Variants in CTIF observed in about 807,000 individuals in gnomAD.
CTIF encodes cap binding complex dependent translation initiation factor.
CTIF carries 21 observed loss-of-function variants against 66.0 expected under a neutral mutation model. That is an observed-to-expected ratio of 0.32 (90% CI 0.23 to 0.46). The LOEUF (loss-of-function observed/expected upper bound fraction) is 0.46. Among genes scored for constraint, CTIF ranks in the 20% least tolerant of loss-of-function variants. CTIF has a pLI of 1.00. For synonymous variants in CTIF, 345 were observed against 326.4 expected (o/e 1.06, Z -0.62); for missense variants, 739 against 812.7 (o/e 0.91, Z 1.10).
intron 1 of CTIF, among the ~76,000 whole-genome samples, chr18:48,589,116 C>T (rs1160535905): frequency 6.6e-6 from 1 of 152,202 alleles, no homozygotes. Context: ...GGCAGGGACT[C>T]TCATGCCTGC....
chr18:48,617,291 T>C (rs545026873), intron 1 of CTIF, among the ~76,000 whole-genome samples: 64 of 152,344 alleles, frequency 4.2e-4, no homozygotes, highest in Non-Finnish European at 1.2e-4. Flanking sequence ...TGGCTTCTTC[T>C]GCTGTGCTGA....
intron 9 of CTIF, among the ~76,000 whole-genome samples, chr18:48,796,258 C>T (rs188124224): frequency 6.6e-6 from 1 of 152,072 alleles, no homozygotes; most frequent in East Asian, 1.9e-4. Context: ...ACCGCAAGCT[C>T]CACCTCCCGG....
chr18:48,594,597 G>A (rs1478846936), intron 1 of CTIF, among the ~76,000 whole-genome samples: 4 of 151,984 alleles, frequency 2.6e-5, no homozygotes, highest in Non-Finnish European at 4.4e-5. Flanking sequence ...CCTCCATCCC[G>A]GCCTCTGCCC....
At chr18:48,540,607 A>G (rs1464256845) in intron 1 of CTIF, among the ~76,000 whole-genome samples, 2 of 151,122 alleles carry the variant, frequency 1.3e-5, no homozygotes, top group Non-Finnish European at 3.0e-5. Context: ...GGGTGTGAGC[A>G]CCGCGGGGTG....
At chr18:48,698,631 A>G (rs543243577) in intron 6 of CTIF, among the ~76,000 whole-genome samples, 2 of 152,358 alleles carry the variant, frequency 1.3e-5, no homozygotes, top group African/African-American at 2.4e-5. Flanking sequence ...ACTAAACAGA[A>G]TAGGAATACC....
chr18:48,562,470 G>C (rs547768343), intron 1 of CTIF, among the ~76,000 whole-genome samples: 31 of 152,186 alleles, frequency 2.0e-4, no homozygotes, highest in Non-Finnish European at 3.8e-4. Context: ...CCACTAACTA[G>C]AACTGATGTG....
intron 7 of CTIF, among the ~76,000 whole-genome samples, chr18:48,745,214 G>A (rs537987386): frequency 1.8e-4 from 27 of 152,208 alleles, no homozygotes; most frequent in African/African-American, 5.5e-4. Flanking sequence ...CCTCAGCGTC[G>A]GTTTCTCTGG....
chr18:48,795,440 C>T (rs1430101167), intron 9 of CTIF, among the ~76,000 whole-genome samples: 2 of 152,238 alleles, frequency 1.3e-5, no homozygotes, highest in African/African-American at 2.4e-5. Context: ...TTCACCTTCT[C>T]ATCTAACCAG....
intron 1 of CTIF, among the ~76,000 whole-genome samples, chr18:48,598,522 A>G (rs2090028761): frequency 6.6e-6 from 1 of 152,236 alleles, no homozygotes; most frequent in Non-Finnish European, 1.5e-5. Context: ...GAGGGGAGCC[A>G]GCAATAAGCT....
chr18:48,682,383 C>T (rs1395729264), intron 6 of CTIF, among the ~76,000 whole-genome samples: 1 of 152,208 alleles, frequency 6.6e-6, no homozygotes, highest in Admixed American at 6.5e-5. Context: ...GTAATATCAC[C>T]TGGGGACTTG....
intron 6 of CTIF, among the ~76,000 whole-genome samples, chr18:48,684,727 A>G (rs903262922): frequency 1.8e-4 from 28 of 152,346 alleles, no homozygotes; most frequent in African/African-American, 6.7e-4. Flanking sequence ...GCCTTCACCC[A>G]GATTCCCCAA....
At chr18:48,589,226 G>C (rs2089838025) in intron 1 of CTIF, among the ~76,000 whole-genome samples, 1 of 152,234 alleles carries the variant, frequency 6.6e-6, no homozygotes, top group Admixed American at 6.5e-5. Context: ...TGGAAGTCCA[G>C]AATGAAGGTA....
intron 1 of CTIF, chr18:48,567,714 C>G (rs534675332): frequency 6.6e-6 from 1 of 152,238 alleles, no homozygotes; most frequent in Admixed American, 6.5e-5. Context: ...GGGAGCATGG[C>G]TTGTGCTCAT....
chr18:48,687,351 C>CACACACACACA (rs2091858043), intron 6 of CTIF, among the ~76,000 whole-genome samples: 19 of 146,630 alleles, frequency 1.3e-4, no homozygotes, highest in African/African-American at 2.8e-4. Flanking sequence ...CACACACACA[C>CACACACACACA]CAAGCTTACC....
intron 10 of CTIF, among the ~76,000 whole-genome samples, chr18:48,837,877 G>A (rs1462586306): frequency 6.6e-6 from 1 of 152,118 alleles, no homozygotes; most frequent in African/African-American, 2.4e-5. Flanking sequence ...TGGGCAACTG[G>A]GTGACTGCGA....
At chr18:48,720,716 T>A (rs1344070061) in intron 7 of CTIF, among the ~76,000 whole-genome samples, 1 of 152,142 alleles carries the variant, frequency 6.6e-6, no homozygotes, top group Non-Finnish European at 1.5e-5. Context: ...CATGCTTGAT[T>A]GAAATGGAGC....
intron 6 of CTIF, among the ~76,000 whole-genome samples, chr18:48,694,433 A>G (rs541704222): frequency 6.6e-6 from 1 of 152,204 alleles, no homozygotes; most frequent in South Asian, 2.1e-4. Context: ...ACTGAGCTTC[A>G]ATATCCTGAG....
At chr18:48,607,235 G>T (rs1289094825) in intron 1 of CTIF, among the ~76,000 whole-genome samples, 5 of 152,186 alleles carry the variant, frequency 3.3e-5, no homozygotes, top group South Asian at 2.1e-4. Context: ...TTTTGCTGCC[G>T]ATTTCTTTGC....
intron 5 of CTIF, among the ~76,000 whole-genome samples, chr18:48,665,312 G>A (rs934326142): frequency 6.6e-6 from 1 of 152,198 alleles, no homozygotes; most frequent in Non-Finnish European, 1.5e-5. Context: ...TTTTACACTG[G>A]CTTTTCTCAC....
Sources: allele counts gnomAD v4.1 joint callset (sites outside exome capture counted in the v4.1 genomes callset), GRCh38; gene constraint gnomAD v4.1.1; transcripts MANE v1.5; gene names NCBI Gene and HGNC (gene_info 2026-07-23, HGNC 2026-07-21).